Variants in FAM184A observed in about 807,000 individuals in gnomAD.
FAM184A encodes the protein protein FAM184A.
FAM184A carries 99 observed loss-of-function variants against 143.8 expected under a neutral mutation model. The observed-to-expected ratio is 0.69, with a 90% CI of 0.58 to 0.81. The LOEUF (loss-of-function observed/expected upper bound fraction) is 0.81, where lower values mean the gene tolerates loss of function less well. FAM184A is among the 40% of genes least tolerant of loss of function. FAM184A has a pLI of 0.00. For missense variants in FAM184A, 1,217 were observed against 1,310.5 expected (o/e 0.93, Z 1.10); for synonymous variants, 427 against 446.4 (o/e 0.96, Z 0.55).
chr6:119,069,577 T>C (rs528364633), intron 1 of FAM184A, among the ~76,000 whole-genome samples: 1 of 152,220 alleles, frequency 6.6e-6, no homozygotes, highest in African/African-American at 2.4e-5. Flanking sequence ...AAAAAAGACA[T>C]GACAAGTAAA....
At chr6:118,966,793 AT>A in intron 15 of FAM184A, 41 bp downstream of exon 15, 1 of 921,944 alleles carries the variant, frequency 1.1e-6, no homozygotes, top group Non-Finnish European at 1.7e-6. Flanking sequence ...ATCAATATCT[AT>A]TGATTACTAA....
chr6:119,041,793 T>C (rs2114728596), intron 1 of FAM184A, among the ~76,000 whole-genome samples: 1 of 152,292 alleles, frequency 6.6e-6, no homozygotes, highest in East Asian at 1.9e-4. Flanking sequence ...AGGCTTGCCA[T>C]TGGTCCTGCA....
chr6:119,089,698 C>G (rs1303322081), intron 1 of FAM184A, among the ~76,000 whole-genome samples: 1 of 152,134 alleles, frequency 6.6e-6, no homozygotes. Flanking sequence ...TCCTAACACA[C>G]CCAAAGCATG....
intron 9 of FAM184A, among the ~76,000 whole-genome samples, chr6:118,996,210 T>C (rs1295838488): frequency 1.3e-5 from 2 of 152,174 alleles, no homozygotes; most frequent in African/African-American, 2.4e-5. Flanking sequence ...GAAAAAATCT[T>C]AAGAGGAAGA....
intron 1 of FAM184A, among the ~76,000 whole-genome samples, chr6:119,070,110 T>C (rs1171112725): frequency 6.6e-6 from 1 of 152,178 alleles, no homozygotes; most frequent in Non-Finnish European, 1.5e-5. Context: ...CACTAAGTCT[T>C]GTTTTTCCAT....
At chr6:119,067,798 C>T (rs1787513582) in intron 1 of FAM184A, among the ~76,000 whole-genome samples, 1 of 152,056 alleles carries the variant, frequency 6.6e-6, no homozygotes. Context: ...ACAATGTAGA[C>T]TATATATCCA....
chr6:119,071,374 A>G (rs944164605), intron 1 of FAM184A, among the ~76,000 whole-genome samples: 2 of 152,236 alleles, frequency 1.3e-5, no homozygotes, highest in African/African-American at 4.8e-5. Flanking sequence ...CAAGTATGGC[A>G]GTCTCTAAGT....
chr6:119,047,176 G>A (rs780550003), intron 1 of FAM184A, among the ~76,000 whole-genome samples: 1 of 152,106 alleles, frequency 6.6e-6, no homozygotes, highest in Non-Finnish European at 1.5e-5. Context: ...AAACTACAAT[G>A]AGATATCATC....
chr6:119,010,691 A>G (rs1010045347), intron 6 of FAM184A, among the ~76,000 whole-genome samples: 3 of 152,140 alleles, frequency 2.0e-5, no homozygotes, highest in African/African-American at 7.2e-5. Context: ...TAACTGTACA[A>G]ATATTCCATG....
chr6:119,094,672 G>T (rs553449404), intron 1 of FAM184A, among the ~76,000 whole-genome samples: 8 of 152,192 alleles, frequency 5.3e-5, no homozygotes, highest in Non-Finnish European at 8.8e-5. Context: ...AGAGCATGAG[G>T]TAAGGAATTG....
intron 1 of FAM184A, among the ~76,000 whole-genome samples, chr6:119,070,363 G>A (rs541774843): frequency 6.6e-6 from 1 of 152,140 alleles, no homozygotes; most frequent in African/African-American, 2.4e-5. Flanking sequence ...TGGTCTTAAA[G>A]GTTAAGCATA....
At chr6:118,960,941 T>A in intron 17 of FAM184A, 1 of 628,694 alleles carries the variant, frequency 1.6e-6, no homozygotes, top group Non-Finnish European at 2.4e-6. Flanking sequence ...TGTATCTGAC[T>A]AATTTTCATT....
chr6:119,030,698 G>T (rs1248455210), intron 1 of FAM184A, among the ~76,000 whole-genome samples: 2 of 151,810 alleles, frequency 1.3e-5, no homozygotes, highest in Non-Finnish European at 2.9e-5. Flanking sequence ...TATGGAGAGG[G>T]TGAGACTAAT....
intron 9 of FAM184A, among the ~76,000 whole-genome samples, chr6:118,993,575 G>A (rs1383337924): frequency 6.6e-6 from 1 of 152,166 alleles, no homozygotes; most frequent in Non-Finnish European, 1.5e-5. Flanking sequence ...CTGGCACAGG[G>A]TAAATGATTA....
At chr6:119,037,447 T>C (rs978700330) in intron 1 of FAM184A, among the ~76,000 whole-genome samples, 13 of 152,158 alleles carry the variant, frequency 8.5e-5, no homozygotes, top group Admixed American at 2.6e-4. Context: ...ACTACAAGCA[T>C]GTGCCACTAC....
rs189063964 is a variant in FAM184A at position 119,128,808 on chromosome 6, G to C, written c.-202+20270C>G. Among the ~76,000 whole-genome samples the C allele has an allele frequency of 2.0e-5, 3 of 152,152 alleles. No individual in the cohort carries two copies. The East Asian group carries it at 5.8e-4, about 29-fold the overall frequency. On this transcript the variant is annotated intron_variant, in intron 1 of 16. Coordinates refer to the FAM184A transcript ENST00000352896. ...ATATTTCTTTGACATATTTTGAAAT[G>C]GTCCTGCAAAGCTGTCTCCTGTGGA...
At chr6:119,145,482 G>C (rs1772394473) in intron 1 of FAM184A, among the ~76,000 whole-genome samples, 1 of 152,132 alleles carries the variant, frequency 6.6e-6, no homozygotes, top group South Asian at 2.1e-4. Context: ...ATACCACAGA[G>C]AACCAAGGGG....
intron 1 of FAM184A, among the ~76,000 whole-genome samples, chr6:119,063,584 C>T (rs1787337111): frequency 6.6e-6 from 1 of 152,012 alleles, no homozygotes; most frequent in Admixed American, 6.6e-5. Context: ...TGGCACGTGG[C>T]CTCGAGCAAG....
At chr6:119,079,281 T>C (rs1271366274), upstream of FAM184A, 1 of 152,174 alleles carries the variant, frequency 6.6e-6, no homozygotes, top group African/African-American at 2.4e-5. Flanking sequence ...TCCTTTTCAG[T>C]CAGCTGGTGG....
Sources: gnomAD v4.1 joint callset for allele counts (sites outside exome capture counted in the v4.1 genomes callset) on GRCh38, gnomAD v4.1.1 for gene constraint, MANE v1.5 for transcripts, NCBI Gene and HGNC (gene_info 2026-07-23, HGNC 2026-07-21) for gene names.